The following AKAP19 variants were observed in gnomAD, a reference collection of about 807,000 sequenced individuals.
AKAP19 encodes the protein small A-kinase anchoring protein.
chr2:189,983,576 C>T, the AKAP19 span, among the ~76,000 whole-genome samples: 1 of 152,224 alleles, frequency 6.6e-6, no homozygotes, highest in African/African-American at 2.4e-5. Context: ...CACATCTGTT[C>T]CCAGGCATAG....
chr2:190,171,419 CA>C, the AKAP19 span, among the ~76,000 whole-genome samples: 1 of 152,116 alleles, frequency 6.6e-6, no homozygotes, highest in African/African-American at 2.4e-5. Context: ...TTCAACTTTT[CA>C]AAATGAAAAT....
the AKAP19 span, among the ~76,000 whole-genome samples, chr2:190,144,489 CAT>C: frequency 1.1e-4 from 16 of 152,214 alleles, no homozygotes; most frequent in Middle Eastern, 3.4e-3. Flanking sequence ...TTAAAAAACA[CAT>C]AGAAATCTCA....
chr2:190,071,701 G>A, the AKAP19 span, among the ~76,000 whole-genome samples: 3 of 151,980 alleles, frequency 2.0e-5, no homozygotes, highest in Non-Finnish European at 2.9e-5. Context: ...ATATTAATTT[G>A]TATTATAAAT....
the AKAP19 span, among the ~76,000 whole-genome samples, chr2:190,123,804 T>A: frequency 6.6e-6 from 1 of 152,178 alleles, no homozygotes. Context: ...CCAGAGGAGA[T>A]TAGCATGTGA....
At chr2:190,182,807 GC>G in the AKAP19 span, among the ~76,000 whole-genome samples, 1 of 152,180 alleles carries the variant, frequency 6.6e-6, no homozygotes, top group South Asian at 2.1e-4. Flanking sequence ...TTGCTGTCAA[GC>G]AAAGGAGACA....
At chr2:190,003,661 C>G in the AKAP19 span, among the ~76,000 whole-genome samples, 1 of 152,054 alleles carries the variant, frequency 6.6e-6, no homozygotes, top group South Asian at 2.1e-4. Context: ...ACCAGGGGTT[C>G]AAGACCAGCC....
the AKAP19 span, among the ~76,000 whole-genome samples, chr2:189,949,525 AAAG>A: frequency 1.5e-4 from 19 of 128,176 alleles, no homozygotes; most frequent in East Asian, 4.3e-3. Context: ...AAAAAGGAAA[AAAG>A]AAATCCAGAT....
the AKAP19 span, among the ~76,000 whole-genome samples, chr2:189,899,277 C>A: frequency 6.6e-6 from 1 of 152,146 alleles, no homozygotes; most frequent in Non-Finnish European, 1.5e-5. Flanking sequence ...CTCAGTAACA[C>A]AGTTTTTATA....
the AKAP19 span, among the ~76,000 whole-genome samples, chr2:189,987,888 G>A: frequency 1.3e-5 from 2 of 152,146 alleles, no homozygotes; most frequent in South Asian, 4.1e-4. Flanking sequence ...TTGCAATACA[G>A]AAAGAGTAAT....
chr2:189,993,737 G>A, the AKAP19 span, among the ~76,000 whole-genome samples: 1 of 151,974 alleles, frequency 6.6e-6, no homozygotes, highest in Non-Finnish European at 1.5e-5. Flanking sequence ...TAATCTAGGA[G>A]GGTTGCATAT....
At chr2:190,135,109 A>G in the AKAP19 span, among the ~76,000 whole-genome samples, 1 of 152,300 alleles carries the variant, frequency 6.6e-6, no homozygotes, top group East Asian at 1.9e-4. Flanking sequence ...GATTACTAAA[A>G]GGTGAATTTG....
At chr2:190,191,043 C>T in the AKAP19 span, among the ~76,000 whole-genome samples, 2 of 152,190 alleles carry the variant, frequency 1.3e-5, no homozygotes, top group Non-Finnish European at 2.9e-5. Flanking sequence ...CTTGTTCAAT[C>T]AGCATGCCTT....
the AKAP19 span, among the ~76,000 whole-genome samples, chr2:190,119,444 T>G: frequency 6.6e-6 from 1 of 152,168 alleles, no homozygotes; most frequent in Non-Finnish European, 1.5e-5. Context: ...CCCACCTTAG[T>G]CTTTTAACAC....
chr2:190,028,686 G>C, the AKAP19 span, among the ~76,000 whole-genome samples: 1 of 152,088 alleles, frequency 6.6e-6, no homozygotes, highest in African/African-American at 2.4e-5. Context: ...AAATGGTAAA[G>C]TATACAAAGT....
At chr2:189,879,792 T>C in the AKAP19 span, 4 of 152,264 alleles carry the variant, frequency 2.6e-5, no homozygotes, top group African/African-American at 7.2e-5. Flanking sequence ...TAGGCTGGGT[T>C]GCCAGAGCCC....
At chr2:189,991,316 A>G in the AKAP19 span, among the ~76,000 whole-genome samples, 4 of 152,318 alleles carry the variant, frequency 2.6e-5, no homozygotes, top group African/African-American at 7.2e-5. Flanking sequence ...CCTACCAGCA[A>G]TGTAAAAGTG....
chr2:190,010,670 T>C, the AKAP19 span, among the ~76,000 whole-genome samples: 2 of 152,312 alleles, frequency 1.3e-5, no homozygotes, highest in Non-Finnish European at 2.9e-5. Flanking sequence ...AGTCCTCTAT[T>C]GTCACAGAGG....
the AKAP19 span, among the ~76,000 whole-genome samples, chr2:189,982,022 A>T: frequency 3.9e-5 from 6 of 152,064 alleles, no homozygotes; most frequent in Admixed American, 6.5e-5. Flanking sequence ...GGTGTGCTTT[A>T]AATTTCTTAA....
the AKAP19 span, among the ~76,000 whole-genome samples, chr2:190,039,016 C>CTCTTCCTCTTCCTCTTCCTCT: frequency 8.3e-6 from 1 of 120,414 alleles, no homozygotes; most frequent in African/African-American, 3.6e-5. Context: ...CTTCCTCTTC[C>CTCTTCCTCTTCCTCTTCCTCT]TCTTCCTCTT....
Sources: allele counts gnomAD v4.1 joint callset (sites outside exome capture counted in the v4.1 genomes callset), GRCh38; gene constraint gnomAD v4.1.1; transcripts MANE v1.5; gene names NCBI Gene and HGNC (gene_info 2026-07-23, HGNC 2026-07-21).